DOCK8: variants seen among roughly 807,000 people sequenced by gnomAD.
DOCK8 encodes the protein dedicator of cytokinesis 8.
In DOCK8, 141 loss-of-function variants were observed where a neutral mutation model predicts 245.6. The ratio of observed to expected loss-of-function variants is 0.57; its 90% CI spans 0.50 to 0.66. DOCK8 has a LOEUF of 0.66. DOCK8 is among the 30% of genes least tolerant of loss of function. The pLI is 0.00. For missense variants in DOCK8, 2,965 were observed against 2,603.4 expected, an observed-to-expected ratio of 1.14 and a Z score of -3.02; for synonymous variants, 1,168 against 970.2, an observed-to-expected ratio of 1.20 and a Z score of -3.79.
intron 33 of DOCK8, 104 bp downstream of exon 33, chr9:422,239 A>T: frequency 2.2e-6 from 2 of 924,224 alleles, no homozygotes; most frequent in Non-Finnish European, 3.5e-6. Flanking sequence ...AAGGGTTAGA[A>T]AATGAAACAT....
intron 1 of DOCK8, among the ~76,000 whole-genome samples, chr9:245,870 G>T (rs2047494090): frequency 6.6e-6 from 1 of 152,166 alleles, no homozygotes; most frequent in Non-Finnish European, 1.5e-5. Flanking sequence ...CAAAATGATA[G>T]GGGACTTTGA....
rs148185917 is a variant in DOCK8 at position 334,015 on chromosome 9, C to T, written c.1126-210C>T. ...AAATGTAGCCTTTTTGTAAACTCCTCGTTTTTTAATCTTTATTTCCTTATC... is the reference window on the plus strand; with the variant it reads ...AAATGTAGCCTTTTTGTAAACTCCTTGTTTTTTAATCTTTATTTCCTTATC... On this transcript the variant is annotated intron_variant, in intron 10 of 47. Transcript: ENST00000432829. 3.2e-3 allele frequency among the ~76,000 whole-genome samples: 486 copies of T among 149,540 alleles called. 5 individuals carry two copies. Among genetic ancestry groups the T allele is most frequent in the African/African-American group, 0.011 (439 of 40,766 alleles).
At chr9:276,103 C>G (rs2048336304) in intron 2 of DOCK8, among the ~76,000 whole-genome samples, 1 of 152,004 alleles carries the variant, frequency 6.6e-6, no homozygotes, top group Non-Finnish European at 1.5e-5. Flanking sequence ...GTTGGCCAGG[C>G]TGGTCTTGAA....
chr9:415,600 A>C (rs1012046114), intron 29 of DOCK8, among the ~76,000 whole-genome samples: 2 of 152,042 alleles, frequency 1.3e-5, no homozygotes, highest in African/African-American at 4.8e-5. Flanking sequence ...AATCCTCCCA[A>C]ATAGAAGAAC....
intron 14 of DOCK8, among the ~76,000 whole-genome samples, chr9:354,504 A>G (rs571328690): frequency 6.6e-6 from 1 of 152,252 alleles, no homozygotes; most frequent in Non-Finnish European, 1.5e-5. Flanking sequence ...AAACCTTTGC[A>G]GCTCAAAACA....
chr9:263,064 G>A (rs144847377), intron 1 of DOCK8, among the ~76,000 whole-genome samples: 84 of 152,208 alleles, frequency 5.5e-4, no homozygotes, highest in African/African-American at 1.6e-3. Context: ...AAAATGAGCC[G>A]GGCGTGGTGG....
At chr9:328,538 C>T (rs1563926519) in intron 9 of DOCK8, among the ~76,000 whole-genome samples, 1 of 152,308 alleles carries the variant, frequency 6.6e-6, no homozygotes, top group South Asian at 2.1e-4. Flanking sequence ...GGGCACCCTT[C>T]TCCTAATTAA....
intron 8 of DOCK8, among the ~76,000 whole-genome samples, chr9:327,144 C>T (rs922176191): frequency 2.0e-5 from 3 of 152,126 alleles, no homozygotes; most frequent in African/African-American, 4.8e-5. Flanking sequence ...TTCCCCCAGC[C>T]GTTCAAGCCT....
intron 1 of DOCK8, among the ~76,000 whole-genome samples, chr9:256,989 C>T (rs1295600688): frequency 6.6e-6 from 1 of 152,228 alleles, no homozygotes; most frequent in Non-Finnish European, 1.5e-5. Flanking sequence ...TGCTCTCCTT[C>T]TCCAAATATT....
At chr9:243,324 A>G (rs773372744) in intron 1 of DOCK8, among the ~76,000 whole-genome samples, 18 of 152,152 alleles carry the variant, frequency 1.2e-4, no homozygotes, top group South Asian at 2.1e-4. Flanking sequence ...CCTGAGTGCT[A>G]CTGACATTGT....
intron 44 of DOCK8, among the ~76,000 whole-genome samples, chr9:448,399 C>T (rs1188784440): frequency 3.3e-5 from 5 of 152,224 alleles, no homozygotes; most frequent in African/African-American, 4.8e-5. Context: ...TGAGCCACTG[C>T]ACCAGCCTGA....
chr9:401,352 G>C (rs2055091408), intron 26 of DOCK8, among the ~76,000 whole-genome samples: 1 of 152,142 alleles, frequency 6.6e-6, no homozygotes, highest in Non-Finnish European at 1.5e-5. Flanking sequence ...TAGGCCTGCA[G>C]TGAGGAGGGG....
rs970255077 is a variant in DOCK8 at position 304,607 on chromosome 9, G to T, written c.431G>T (p.Gly144Val). Reference protein sequence around the residue: ...RKNQGSPEICGFKKTGSRKDF... With the variant: ...RKNQGSPEICVFKKTGSRKDF... ...AACCAAGGAAGTCCAGAAATCTGTG[G>T]CTTTAAAAAGACTGGATCTCGAAAA... The change falls in exon 5 of 48, where the codon GGC (glycine) becomes GTC (valine). Residue 144 changes from glycine to valine, a missense_variant. Physicochemically the swap from Gly to Val is moderately radical, Grantham distance 109. Transcript: ENST00000432829. 6.2e-6 allele frequency: 10 copies of T among 1,614,026 alleles called. No homozygotes were observed. The Admixed American group carries it at 1.5e-4, about 24-fold the overall frequency.
intron 1 of DOCK8, among the ~76,000 whole-genome samples, chr9:249,071 C>T (rs2047583740): frequency 6.6e-6 from 1 of 152,174 alleles, no homozygotes; most frequent in Non-Finnish European, 1.5e-5. Flanking sequence ...CTCTTGGTAC[C>T]TGTTGTTGCT....
chr9:327,571 A>AT (rs1160464090), intron 8 of DOCK8, among the ~76,000 whole-genome samples: 3 of 151,770 alleles, frequency 2.0e-5, no homozygotes, highest in Admixed American at 6.6e-5. Context: ...TAGTTTTTGT[A>AT]TTTTTTGTAG....
At chr9:264,043 C>T (rs2047982467) in intron 1 of DOCK8, among the ~76,000 whole-genome samples, 1 of 152,192 alleles carries the variant, frequency 6.6e-6, no homozygotes, top group African/African-American at 2.4e-5. Context: ...TCTCCTCCTC[C>T]TTTGGGATCC....
At chr9:387,462 AAAAG>A (rs1363756078) in intron 23 of DOCK8, among the ~76,000 whole-genome samples, 8 of 152,216 alleles carry the variant, frequency 5.3e-5, no homozygotes, top group African/African-American at 1.9e-4. Flanking sequence ...AAAAAAGAAA[AAAAG>A]GGTAAATATG....
At chr9:428,203 A>G (rs772137682) in intron 34 of DOCK8, among the ~76,000 whole-genome samples, 159 bp from the exon 35 acceptor site, 25 of 152,258 alleles carry the variant, frequency 1.6e-4, no homozygotes, top group Non-Finnish European at 3.1e-4. Context: ...ATAGGTCTTC[A>G]GTTCCCATGG....
At position 455,919 on chromosome 9, in the gene DOCK8, A is replaced by G. The variant is rs556063699; in HGVS notation, c.6068+3802A>G. ...ACTATAGACGTCAGTTCATCCATTCATTCAGCAGTTATTGAGCTCCTACTT... is the reference window on the plus strand; with the variant it reads ...ACTATAGACGTCAGTTCATCCATTCGTTCAGCAGTTATTGAGCTCCTACTT... On this transcript the variant is annotated intron_variant, in intron 46 of 47. Transcript: ENST00000432829. Among the ~76,000 whole-genome samples the G allele has an allele frequency of 1.1e-3, 161 of 152,258 alleles. 1 individual carries two copies. Among genetic ancestry groups the G allele is most frequent in the African/African-American group, 3.7e-3 (152 of 41,566 alleles).
Sources: gnomAD v4.1 joint callset for allele counts (sites outside exome capture counted in the v4.1 genomes callset) on GRCh38, gnomAD v4.1.1 for gene constraint, MANE v1.5 for transcripts, NCBI Gene and HGNC (gene_info 2026-07-23, HGNC 2026-07-21) for gene names.